Variants in TCF4 observed in about 807,000 individuals in gnomAD.
The protein encoded by TCF4 is SL3-3 enhancer factor 2.
TCF4 carries 3 observed loss-of-function variants against 82.1 expected under a neutral mutation model. That is an observed-to-expected ratio of 0.04 (90% CI 0.02 to 0.09). The LOEUF (loss-of-function observed/expected upper bound fraction) is 0.09, where lower values mean the gene tolerates loss of function less well. Ranked by LOEUF, TCF4 falls within the 10% of genes least tolerant of loss-of-function variation. TCF4 has a pLI of 1.00. For missense variants in TCF4, 518 were observed against 852.7 expected (o/e 0.61, Z 4.89); for synonymous variants, 276 against 309.6 (o/e 0.89, Z 1.14).
chr18:55,343,286 T>C (rs1330745963), intron 8 of TCF4, among the ~76,000 whole-genome samples: 1 of 152,164 alleles, frequency 6.6e-6, no homozygotes, highest in Non-Finnish European at 1.5e-5. Context: ...CAGTTTGCTA[T>C]GAAGAGAGCT....
chr18:55,302,633 G>A lies in TCF4; in HGVS notation c.550-22977C>T, dbSNP rs1046337746. On this transcript the variant is annotated intron_variant, in intron 8 of 19. Coordinates refer to ENST00000354452, the MANE Select transcript of TCF4 (RefSeq NM_001083962.2). Reference sequence around the variant, plus strand: ...TGCTGGATATATGAAACTCAGACCCGCAGATGTCCGCTGTGAGGCCTGTGG... The same window carrying A: ...TGCTGGATATATGAAACTCAGACCCACAGATGTCCGCTGTGAGGCCTGTGG... 1.0e-5 allele frequency: 15 copies of A among 1,502,096 alleles called. No homozygotes were observed. The Admixed American group carries it at 2.2e-4, about 22-fold the overall frequency. The allele number at this position is 1,502,096 out of a possible 1,614,324, so 93.0% of individuals were successfully genotyped here. A position where few individuals can be genotyped will look rare whatever the true frequency, so the allele number is the denominator to read the frequency against.
chr18:55,457,947 C>T (rs2095798014), intron 5 of TCF4, among the ~76,000 whole-genome samples: 2 of 151,866 alleles, frequency 1.3e-5, no homozygotes, highest in Non-Finnish European at 2.9e-5. Flanking sequence ...TGTATACTGC[C>T]ATAAAGAACA....
intron 8 of TCF4, among the ~76,000 whole-genome samples, chr18:55,314,178 C>T (rs1160038129): frequency 1.3e-5 from 2 of 152,110 alleles, no homozygotes; most frequent in Non-Finnish European, 2.9e-5. Context: ...CAAAGTGAAA[C>T]TACACTTGTT....
intron 15 of TCF4, among the ~76,000 whole-genome samples, chr18:55,253,915 G>C (rs189866401): frequency 1.2e-3 from 184 of 152,174 alleles, no homozygotes; most frequent in African/African-American, 4.4e-3. Context: ...CATCCTCAAG[G>C]GAAACATGTG....
At chr18:55,525,503 T>A (rs2096973226) in intron 3 of TCF4, among the ~76,000 whole-genome samples, 1 of 152,176 alleles carries the variant, frequency 6.6e-6, no homozygotes, top group Non-Finnish European at 1.5e-5. Flanking sequence ...TTCTCCAGTA[T>A]AATCCTGCAA....
At chr18:55,232,296 G>A in intron 17 of TCF4, 1 of 563,758 alleles carries the variant, frequency 1.8e-6, no homozygotes. Flanking sequence ...TTAGCATTGG[G>A]TCCAGATTCA....
intron 9 of TCF4, among the ~76,000 whole-genome samples, 179 bp downstream of exon 9, chr18:55,279,372 G>A (rs2062075356): frequency 6.6e-6 from 1 of 152,140 alleles, no homozygotes; most frequent in South Asian, 2.1e-4. Flanking sequence ...TGTAAAGAAA[G>A]ACTTAGTACA....
At chr18:55,406,523 A>C (rs2094098468) in intron 5 of TCF4, among the ~76,000 whole-genome samples, 2 of 152,212 alleles carry the variant, frequency 1.3e-5, no homozygotes, top group Non-Finnish European at 1.5e-5. Flanking sequence ...TTTTCTGCTT[A>C]AAATTCACTT....
chr18:55,467,734 G>A lies in TCF4; in HGVS notation c.146-3597C>T, dbSNP rs576311840. ...CCTGGCCATTCCTTACTCCTGCTAGGGTACCAGGACACTGCACGGTCTTTT... is the reference window on the plus strand; with the variant it reads ...CCTGGCCATTCCTTACTCCTGCTAGAGTACCAGGACACTGCACGGTCTTTT... On this transcript the variant is annotated intron_variant, in intron 3 of 19. Transcript: ENST00000354452. Among the ~76,000 whole-genome samples, 10 of 152,196 alleles carry A rather than the reference G, an allele frequency of 6.6e-5. No homozygotes were observed. In the South Asian group the frequency reaches 1.7e-3, roughly 25 times the overall value.
intron 5 of TCF4, among the ~76,000 whole-genome samples, chr18:55,410,938 C>CA (rs1300352175): frequency 6.6e-6 from 1 of 152,082 alleles, no homozygotes; most frequent in Non-Finnish European, 1.5e-5. Flanking sequence ...ATGGCCCAGA[C>CA]AACAACAACC....
chr18:55,381,905 G>A (rs1333617408), intron 6 of TCF4, among the ~76,000 whole-genome samples: 1 of 149,642 alleles, frequency 6.7e-6, no homozygotes, highest in Non-Finnish European at 1.5e-5. Context: ...ACAAACTCTA[G>A]AAGGGTTTTT....
chr18:55,331,381 A>G (rs1024769889), intron 8 of TCF4, among the ~76,000 whole-genome samples: 1 of 152,236 alleles, frequency 6.6e-6, no homozygotes, highest in Non-Finnish European at 1.5e-5. Flanking sequence ...AGGCATAGGC[A>G]TCTACCTTGC....
At chr18:55,299,621 C>T (rs2067533726) in intron 8 of TCF4, among the ~76,000 whole-genome samples, 1 of 151,936 alleles carries the variant, frequency 6.6e-6, no homozygotes, top group Admixed American at 6.6e-5. Context: ...AAAGTCAAAA[C>T]CTCATGGGCT....
rs144897806 is a variant in TCF4, at chr18:55,567,015, A to G, written c.145+18265T>C. Among the ~76,000 whole-genome samples the G allele has an allele frequency of 5.7e-3, 870 of 152,308 alleles. 11 individuals carry two copies. Among genetic ancestry groups the G allele is most frequent in the African/African-American group, 0.02 (833 of 41,580 alleles). On this transcript the variant is annotated intron_variant, in intron 3 of 19. Coordinates refer to ENST00000354452, the MANE Select transcript of TCF4 (RefSeq NM_001083962.2). Reference sequence around the variant, plus strand: ...AGAATGGCAATCAGAAAGATACTGAACTTCTTATGAGCCACAGGGAAATTC... The same window carrying G: ...AGAATGGCAATCAGAAAGATACTGAGCTTCTTATGAGCCACAGGGAAATTC...
In TCF4 at chr18:55,584,530, C is replaced by T. The variant is rs533853281; in HGVS notation, c.145+750G>A. Among the ~76,000 whole-genome samples the T allele has an allele frequency of 1.8e-4, 28 of 152,140 alleles. No individual in the cohort carries two copies. The East Asian group carries it at 3.5e-3, about 19-fold the overall frequency. ...CTCTGCACTTTTAATAAGAGATATTCGAATAGCCCTGTAATAAACCCCTCC... is the reference window on the plus strand; with the variant it reads ...CTCTGCACTTTTAATAAGAGATATTTGAATAGCCCTGTAATAAACCCCTCC... On this transcript the variant is annotated intron_variant, in intron 3 of 19. Transcript: ENST00000354452.
intron 3 of TCF4, among the ~76,000 whole-genome samples, chr18:55,503,268 T>G (rs1326743134): frequency 3.3e-5 from 5 of 152,198 alleles, no homozygotes; most frequent in African/African-American, 1.2e-4. Flanking sequence ...CATCATGCAT[T>G]CCTGAAAATT....
chr18:55,551,680 T>G (rs2097261672), intron 3 of TCF4: 1 of 152,256 alleles, frequency 6.6e-6, no homozygotes, highest in South Asian at 2.1e-4. Context: ...ACATGGATTA[T>G]TCCTGCACCT....
intron 6 of TCF4, among the ~76,000 whole-genome samples, chr18:55,381,765 AG>A (rs1371902706): frequency 2.0e-5 from 3 of 152,252 alleles, no homozygotes; most frequent in Admixed American, 1.3e-4. Flanking sequence ...GGAATTTAGC[AG>A]CAAGAATGGG....
chr18:55,324,233 A>T (rs899453508), intron 8 of TCF4, among the ~76,000 whole-genome samples: 16 of 152,362 alleles, frequency 1.1e-4, no homozygotes, highest in Non-Finnish European at 2.1e-4. Flanking sequence ...ATTTACAATG[A>T]TTAATAAAGA....
Sources: allele counts gnomAD v4.1 joint callset (sites outside exome capture counted in the v4.1 genomes callset), GRCh38; gene constraint gnomAD v4.1.1; transcripts MANE v1.5; gene names NCBI Gene and HGNC (gene_info 2026-07-23, HGNC 2026-07-21).